The following SLC24A2 variants were observed in gnomAD, a reference collection of about 807,000 sequenced individuals.
The protein encoded by SLC24A2 is sodium/potassium/calcium exchanger 2.
Under a neutral mutation model 62.0 loss-of-function variants are expected in SLC24A2, and 36 were observed. The ratio of observed to expected loss-of-function variants is 0.58; its 90% CI spans 0.44 to 0.77. SLC24A2 has a LOEUF of 0.77. SLC24A2 is among the 30% of genes least tolerant of loss of function. SLC24A2 has a pLI of 0.00. For missense variants in SLC24A2, 846 were observed against 817.9 expected (o/e 1.03, Z -0.42); for synonymous variants, 358 against 294.0 (o/e 1.22, Z -2.23).
At chr9:19,759,271 G>T (rs1822239843) in intron 2 of SLC24A2, among the ~76,000 whole-genome samples, 1 of 152,112 alleles carries the variant, frequency 6.6e-6, no homozygotes, top group Non-Finnish European at 1.5e-5. Context: ...AACCATATCT[G>T]GGTTTCTCAG....
Position 19,636,380 on chromosome 9 carries a change from T to C in SLC24A2, c.931-14081A>G, listed in dbSNP as rs1283442405. Among the ~76,000 whole-genome samples the C allele has an allele frequency of 4.9e-4, 10 of 20,328 alleles. 1 individual carries two copies. In the South Asian group the frequency reaches 0.01, roughly 21 times the overall value. 13.3% of individuals were successfully genotyped at this position (20,328 alleles called of 152,430 possible). On this transcript the variant is annotated intron_variant, in intron 2 of 10. Coordinates refer to ENST00000341998, the MANE Select transcript of SLC24A2 (RefSeq NM_020344.4). Reference sequence around the variant, plus strand: ...CTTTCTTTCTTTCTTTCTTTCTTTCTTTCTTTCTCCCTCTCTCTCTCTCTC... The same window carrying C: ...CTTTCTTTCTTTCTTTCTTTCTTTCCTTCTTTCTCCCTCTCTCTCTCTCTC...
At chr9:19,551,058 C>T (rs754783252) in intron 7 of SLC24A2, among the ~76,000 whole-genome samples, 10 of 152,186 alleles carry the variant, frequency 6.6e-5, no homozygotes, top group Non-Finnish European at 1.2e-4. Flanking sequence ...TCCTAAGGAA[C>T]ATTAGGACTG....
chr9:19,906,993 C>T, the SLC24A2 span, among the ~76,000 whole-genome samples: 182 of 152,160 alleles, frequency 1.2e-3, no homozygotes, highest in African/African-American at 3.6e-3. Flanking sequence ...AGCATCATCC[C>T]GATACCAAAG....
chr9:20,247,498 G>C, the SLC24A2 span, among the ~76,000 whole-genome samples: 6 of 152,254 alleles, frequency 3.9e-5, no homozygotes, highest in South Asian at 1.2e-3. Context: ...CCTTATAATA[G>C]AGAGTTGAGA....
the SLC24A2 span, among the ~76,000 whole-genome samples, chr9:20,054,423 C>T: frequency 6.6e-6 from 1 of 152,152 alleles, no homozygotes; most frequent in Non-Finnish European, 1.5e-5. Context: ...AACTCCCGAC[C>T]TCAAGTGATC....
At chr9:19,561,436 CTTT>C (rs10641024) in intron 7 of SLC24A2, among the ~76,000 whole-genome samples, 3 of 138,192 alleles carry the variant, frequency 2.2e-5, no homozygotes, top group Non-Finnish European at 3.1e-5. Context: ...GGAAAACAGA[CTTT>C]TTTTTTTTTT....
the SLC24A2 span, among the ~76,000 whole-genome samples, chr9:19,821,643 A>T: frequency 6.6e-6 from 1 of 152,052 alleles, no homozygotes; most frequent in South Asian, 2.1e-4. Flanking sequence ...CTGTATTTCT[A>T]TTTCTTAGAT....
chr9:19,784,303 C>T (rs138588583), intron 2 of SLC24A2, among the ~76,000 whole-genome samples: 4 of 152,292 alleles, frequency 2.6e-5, no homozygotes, highest in Non-Finnish European at 5.9e-5. Context: ...AAAATCCTTC[C>T]GCAATCCTAC....
At chr9:19,856,233 C>A in the SLC24A2 span, among the ~76,000 whole-genome samples, 7 of 152,274 alleles carry the variant, frequency 4.6e-5, no homozygotes, top group South Asian at 1.5e-3. Context: ...AAAACATATT[C>A]CTTTAGCTCA....
At position 19,786,365 on chromosome 9, in the gene SLC24A2, GT is replaced by G; in HGVS notation, c.501del (p.Lys167AsnfsTer28). 1.9e-6 allele frequency: 3 copies of G among 1,614,174 alleles called. No homozygotes were observed. Among genetic ancestry groups the G allele is most frequent in the Non-Finnish European group, 2.5e-6 (3 of 1,180,024 alleles). ...CCAGCCACATCATCAGAGATGCCCA[GT>G]TTTTCAGTGATGACAGTCAAAGAAG... Reference protein sequence around the residue: ...FVPSLTVITEKLGISDDVAGA... With the variant: ...FVPSLTVITEXLGISDDVAGA... On this transcript the variant is annotated frameshift_variant, in exon 2 of 11. Coordinates refer to ENST00000341998, the MANE Select transcript of SLC24A2 (RefSeq NM_020344.4). LOFTEE classifies it high-confidence loss of function. This position sits in a 1 kb window ranked among gnomAD's most constrained non-coding sequence, Gnocchi z 5.0.
At chr9:19,703,570 A>G (rs1275039965) in intron 2 of SLC24A2, among the ~76,000 whole-genome samples, 1 of 152,176 alleles carries the variant, frequency 6.6e-6, no homozygotes, top group Non-Finnish European at 1.5e-5. Flanking sequence ...TTAGCAAGTG[A>G]GCTCACTGTA....
the SLC24A2 span, among the ~76,000 whole-genome samples, chr9:20,038,051 T>A: frequency 3.3e-5 from 5 of 152,198 alleles, no homozygotes; most frequent in African/African-American, 1.2e-4. Flanking sequence ...AGAGTATAAA[T>A]GTTGGATGTT....
At chr9:20,038,267 T>C in the SLC24A2 span, among the ~76,000 whole-genome samples, 2 of 152,186 alleles carry the variant, frequency 1.3e-5, no homozygotes, top group Non-Finnish European at 2.9e-5. Flanking sequence ...GTCTGTTAAG[T>C]GAAGATAATA....
chr9:20,041,308 C>T, the SLC24A2 span, among the ~76,000 whole-genome samples: 1 of 152,242 alleles, frequency 6.6e-6, no homozygotes, highest in African/African-American at 2.4e-5. Flanking sequence ...TTACTTCTTC[C>T]TGTAGGAAGT....
At chr9:19,952,359 G>A in the SLC24A2 span, among the ~76,000 whole-genome samples, 2 of 151,984 alleles carry the variant, frequency 1.3e-5, no homozygotes, top group East Asian at 1.9e-4. Context: ...TTTTGAGAGT[G>A]GATATCCTTC....
chr9:20,154,510 C>A, the SLC24A2 span, among the ~76,000 whole-genome samples: 1 of 151,658 alleles, frequency 6.6e-6, no homozygotes, highest in Non-Finnish European at 1.5e-5. Context: ...TTTGGAATTA[C>A]AATAATTATA....
At chr9:20,118,088 T>A in the SLC24A2 span, among the ~76,000 whole-genome samples, 1 of 152,122 alleles carries the variant, frequency 6.6e-6, no homozygotes, top group Non-Finnish European at 1.5e-5. Flanking sequence ...TGCCTTAGGA[T>A]AAAGAGTAAG....
chr9:19,566,363 G>A (rs372475998), intron 7 of SLC24A2, among the ~76,000 whole-genome samples: 3 of 149,162 alleles, frequency 2.0e-5, no homozygotes, highest in Non-Finnish European at 3.0e-5. Flanking sequence ...ATGAAAAAAT[G>A]CTCATCATCA....
chr9:19,987,854 T>G, the SLC24A2 span, among the ~76,000 whole-genome samples: 2 of 152,322 alleles, frequency 1.3e-5, no homozygotes, highest in East Asian at 1.9e-4. Context: ...AACATTTCCT[T>G]CGCTGTAGGA....
Sources: allele counts gnomAD v4.1 joint callset (sites outside exome capture counted in the v4.1 genomes callset), GRCh38; gene constraint gnomAD v4.1.1; non-coding constraint Gnocchi (gnomAD v3.1); transcripts MANE v1.5; gene names NCBI Gene and HGNC (gene_info 2026-07-23, HGNC 2026-07-21).